The following TRIM35 variants were observed in gnomAD, a reference collection of about 807,000 sequenced individuals.
The protein encoded by TRIM35 is E3 ubiquitin-protein ligase TRIM35.
TRIM35 carries 37 observed loss-of-function variants against 49.1 expected under a neutral mutation model. The observed-to-expected ratio is 0.75, with a 90% CI of 0.58 to 0.99. The LOEUF is 0.99. Among genes scored for constraint, TRIM35 ranks in the 50% least tolerant of loss-of-function variants. TRIM35 has a pLI of 0.00. For missense variants in TRIM35, 648 were observed against 702.7 expected (o/e 0.92, Z 0.88); for synonymous variants, 302 against 289.3 (o/e 1.04, Z -0.45).
At chr8:27,301,350 T>C (rs1314178728) in intron 1 of TRIM35, among the ~76,000 whole-genome samples, 2 of 152,170 alleles carry the variant, frequency 1.3e-5, no homozygotes, top group Non-Finnish European at 2.9e-5. Context: ...TGGGAACTCG[T>C]TTCTTCATAA....
intron 1 of TRIM35, among the ~76,000 whole-genome samples, chr8:27,308,525 G>A (rs1407306426): frequency 2.0e-5 from 3 of 152,146 alleles, no homozygotes; most frequent in South Asian, 4.1e-4. Context: ...CTTACCAAGT[G>A]GTGGAGGGAA....
chr8:27,286,038 T>C lies in TRIM35; in HGVS notation c.*1512A>G, dbSNP rs191519722. 5 of 454,540 alleles carry C rather than the reference T, an allele frequency of 1.1e-5. No homozygotes were observed. Among genetic ancestry groups the C allele is most frequent in the East Asian group, 7.0e-5 (1 of 14,382 alleles). The allele number at this position is 454,540 out of a possible 1,614,324, so 28.2% of individuals were successfully genotyped here. A position where few individuals can be genotyped will look rare whatever the true frequency, so the allele number is the denominator to read the frequency against. Reference sequence around the variant, plus strand: ...ATAACCAATTAATACGTGTGAGTCATGATTTGTTTAAAATGTCAGCTTTTG... The same window carrying C: ...ATAACCAATTAATACGTGTGAGTCACGATTTGTTTAAAATGTCAGCTTTTG... On this transcript the variant is annotated 3_prime_UTR_variant, in exon 6 of 6. Transcript: ENST00000305364.
intron 1 of TRIM35, among the ~76,000 whole-genome samples, chr8:27,303,481 A>G (rs781178352): frequency 6.6e-6 from 1 of 152,026 alleles, no homozygotes. Context: ...TGCTTTTGGT[A>G]TTAATTTTAA....
At chr8:27,309,649 G>A (rs1313588676) in intron 1 of TRIM35, among the ~76,000 whole-genome samples, 2 of 152,100 alleles carry the variant, frequency 1.3e-5, no homozygotes, top group African/African-American at 2.4e-5. Flanking sequence ...ATTAGCAGGT[G>A]ATGAAATAAA....
At chr8:27,298,229 T>C (rs2130290616) in intron 2 of TRIM35, among the ~76,000 whole-genome samples, 1 of 152,286 alleles carries the variant, frequency 6.6e-6, no homozygotes, top group Middle Eastern at 3.4e-3. Context: ...GTTGGTAGCT[T>C]TTTAAGTCAC....
chr8:27,298,338 A>T, intron 2 of TRIM35, 126 bp downstream of exon 2: 1 of 804,500 alleles, frequency 1.2e-6, no homozygotes, highest in Non-Finnish European at 2.1e-6. Flanking sequence ...GGACCATCAG[A>T]GGTAAGGCAG....
Position 27,287,821 on chromosome 8 carries a change from C to A in TRIM35, c.1211G>T (p.Gly404Val). 1 of 1,611,892 alleles carries A rather than the reference C, an allele frequency of 6.2e-7. No individual in the cohort carries two copies. The highest frequency in any genetic ancestry group is 8.5e-7 in the Non-Finnish European group (1 of 1,179,350). Reference protein sequence around the residue: ...SGFWYVCRTQGVEGDHCVTSD... With the variant: ...SGFWYVCRTQVVEGDHCVTSD... ...GGTCACGCAGTGGTCCCCCTCCACGCCCTGCGTGCGGCAGACATACCAGAA... is the reference window on the plus strand; with the variant it reads ...GGTCACGCAGTGGTCCCCCTCCACGACCTGCGTGCGGCAGACATACCAGAA... The change falls in exon 6 of 6, where the codon GGC becomes GTC. Residue 404 changes from glycine (G) to valine (V), a missense_variant. By Grantham distance (109) the Gly-to-Val change is moderately radical. Transcript: ENST00000305364. The surrounding 1 kb of genome is among the most constrained non-coding windows in gnomAD (Gnocchi z 6.0).
At position 27,310,890 on chromosome 8, in the gene TRIM35, T is replaced by C. The variant is rs1464753504; in HGVS notation, c.346A>G (p.Lys116Glu). 6.2e-7 allele frequency: 1 copy of C among 1,612,850 alleles called. No homozygotes were observed. The highest frequency in any genetic ancestry group is 8.5e-7 in the Non-Finnish European group (1 of 1,179,830). The stretch of plus-strand genomic sequence containing the variant: ...TGGCAGGAGCAGCACAGCAGCTCCT[T>C]GTCCTCGAGGCAGAAGAGGCTGAGC... ...GQLSLFCLEDKELLCCSCQAD... is the reference protein window; with the variant it reads ...GQLSLFCLEDEELLCCSCQAD... Residue 116 changes from lysine to glutamate, a missense_variant, in exon 1 of 6, where the codon AAG becomes GAG. By Grantham distance (56) the Lys-to-Glu change is moderately conservative. Coordinates refer to ENST00000305364, the MANE Select transcript of TRIM35 (RefSeq NM_171982.5).
In TRIM35 at chr8:27,298,669, A is replaced by T. The variant is rs1802622462; in HGVS notation, c.436-110T>A. On this transcript the variant is annotated intron_variant, in intron 1 of 5. Transcript: ENST00000305364. ...GGGACTCCACTTCAACACAAGTGTA[A>T]CTCAACTGCATTTGCCTAACCCCAT... is the stretch of plus-strand genomic sequence containing the variant. 6 of 871,168 alleles carry T rather than the reference A, an allele frequency of 6.9e-6. No individual in the cohort carries two copies. The Admixed American group carries it at 1.2e-4, about 18-fold the overall frequency. The allele number at this position is 871,168 out of a possible 1,614,324, so 54.0% of individuals were successfully genotyped here.
intron 3 of TRIM35, 122 bp from the exon 4 acceptor site, chr8:27,290,300 TAACA>T: frequency 8.7e-6 from 8 of 920,084 alleles, no homozygotes; most frequent in African/African-American, 1.7e-5. Context: ...GTCAAGATGT[TAACA>T]ATAACATCCC....
rs1169901315 is a variant in TRIM35, at chr8:27,290,156, C to T, written c.785G>A (p.Arg262Gln). Residue 262 changes from arginine to glutamine, a missense_variant and splice_region_variant, in exon 4 of 6, where the codon CGA becomes CAA. Arg to Gln is a conservative substitution (Grantham distance 43). Coordinates refer to ENST00000305364, the MANE Select transcript of TRIM35 (RefSeq NM_171982.5). ...FLMKHKSRKR[R>Q]LFCTMEPEPV... The stretch of plus-strand genomic sequence containing the variant: ...CCCTCCACCAGCTTTGGCAACTTAC[C>T]GGCGTTTTCGGCTCTTGTGTTTCTG... 5.6e-6 allele frequency: 9 copies of T among 1,613,984 alleles called. No individual in the cohort carries two copies. The highest frequency in any genetic ancestry group is 1.1e-5 in the South Asian group (1 of 91,050).
At chr8:27,307,166 C>T (rs1320960092) in intron 1 of TRIM35, among the ~76,000 whole-genome samples, 1 of 152,134 alleles carries the variant, frequency 6.6e-6, no homozygotes, top group African/African-American at 2.4e-5. Flanking sequence ...AAACATGATG[C>T]CAGGCTCCCA....
In TRIM35 at chr8:27,289,068, G is replaced by A. The variant is rs1240661805; in HGVS notation, c.904+94C>T. On this transcript the variant is annotated intron_variant, in intron 5 of 5. Transcript: ENST00000305364. ...GAGGAGGGGAGCTCTGAGGAGGTGG[G>A]AGGTGGGCCCGGCAGAGACCAGCCC... is the stretch of plus-strand genomic sequence containing the variant. The A allele has an allele frequency of 4.3e-6, 4 of 939,370 alleles. No homozygotes were observed. In the African/African-American group the frequency reaches 4.9e-5, roughly 11 times the overall value. The allele number at this position is 939,370 out of a possible 1,614,324, so 58.2% of individuals were successfully genotyped here.
At chr8:27,309,039 C>A (rs1270518803) in intron 1 of TRIM35, among the ~76,000 whole-genome samples, 1 of 152,210 alleles carries the variant, frequency 6.6e-6, no homozygotes, top group Admixed American at 6.5e-5. Flanking sequence ...CTGCTGGAAG[C>A]TCCTTGAGGC....
chr8:27,298,802 C>A (rs1802625854), intron 1 of TRIM35, among the ~76,000 whole-genome samples: 1 of 152,218 alleles, frequency 6.6e-6, no homozygotes, highest in South Asian at 2.1e-4. Flanking sequence ...CTGGTACAGA[C>A]TGGGAGATGG....
chr8:27,295,572 AT>A (rs1802549358), intron 2 of TRIM35, among the ~76,000 whole-genome samples: 1 of 152,226 alleles, frequency 6.6e-6, no homozygotes, highest in Admixed American at 6.5e-5. Flanking sequence ...GGACACTCAC[AT>A]TAGCCTACAC....
intron 3 of TRIM35, among the ~76,000 whole-genome samples, chr8:27,292,390 A>G (rs1802473143): frequency 6.6e-6 from 1 of 152,216 alleles, no homozygotes; most frequent in Non-Finnish European, 1.5e-5. Flanking sequence ...GCCTAATAAT[A>G]CATTTCTCAG....
intron 1 of TRIM35, among the ~76,000 whole-genome samples, chr8:27,300,056 C>T (rs919727858): frequency 1.3e-5 from 2 of 152,210 alleles, no homozygotes; most frequent in Non-Finnish European, 2.9e-5. Flanking sequence ...GGGATGGTAG[C>T]CAGCTGCCCA....
intron 5 of TRIM35, among the ~76,000 whole-genome samples, chr8:27,288,357 G>A (rs1227894151): frequency 1.3e-5 from 2 of 152,148 alleles, no homozygotes; most frequent in Non-Finnish European, 2.9e-5. Context: ...GAATGGGGTG[G>A]TTGTACACAT....
Sources: gnomAD v4.1 joint callset for allele counts (sites outside exome capture counted in the v4.1 genomes callset) on GRCh38, gnomAD v4.1.1 for gene constraint, Gnocchi (gnomAD v3.1) non-coding constraint, MANE v1.5 for transcripts, NCBI Gene and HGNC (gene_info 2026-07-23, HGNC 2026-07-21) for gene names.